The following KCNAB1 variants were observed in gnomAD, a reference collection of about 807,000 sequenced individuals.
The protein encoded by KCNAB1 is voltage-gated potassium channel subunit beta-1.
A neutral mutation model predicts 64.6 loss-of-function variants in KCNAB1; 35 were observed. The ratio of observed to expected loss-of-function variants is 0.54; its 90% confidence interval spans 0.41 to 0.72. KCNAB1 has a LOEUF of 0.72. KCNAB1 is among the 30% of genes least tolerant of loss of function. KCNAB1 has a pLI of 0.00. For synonymous variants in KCNAB1, 177 were observed against 183.8 expected, an observed-to-expected ratio of 0.96 and a Z score of 0.30; for missense variants, 401 against 512.9, an observed-to-expected ratio of 0.78 and a Z score of 2.11.
chr3:156,374,928 A>C (rs1430689245), intron 1 of KCNAB1, among the ~76,000 whole-genome samples: 1 of 136,304 alleles, frequency 7.3e-6, no homozygotes, highest in Non-Finnish European at 1.5e-5. Context: ...TATAGAAAAC[A>C]CAAAGAAATT....
chr3:156,347,060 A>G (rs1224961601), intron 1 of KCNAB1, among the ~76,000 whole-genome samples: 1 of 152,200 alleles, frequency 6.6e-6, no homozygotes, highest in Non-Finnish European at 1.5e-5. Flanking sequence ...ATATGTGAAG[A>G]AAAAAACCCT....
intron 1 of KCNAB1, chr3:156,176,864 TG>T: frequency 1.8e-6 from 2 of 1,129,272 alleles, no homozygotes; most frequent in Non-Finnish European, 2.7e-6. Flanking sequence ...GCCGCTTGAC[TG>T]GGACCAGCGG....
chr3:156,181,124 G>T (rs779807950), intron 1 of KCNAB1, among the ~76,000 whole-genome samples: 2 of 152,110 alleles, frequency 1.3e-5, no homozygotes, highest in Non-Finnish European at 2.9e-5. Context: ...ACACCCTAAT[G>T]ATCTCATTTT....
At chr3:156,483,510 G>C (rs1714981724) in intron 8 of KCNAB1, among the ~76,000 whole-genome samples, 1 of 151,952 alleles carries the variant, frequency 6.6e-6, no homozygotes, top group Non-Finnish European at 1.5e-5. Flanking sequence ...CTACTTTGTT[G>C]ATGGCCACTA....
intron 1 of KCNAB1, among the ~76,000 whole-genome samples, chr3:156,377,404 G>A (rs1711759495): frequency 6.6e-6 from 1 of 152,138 alleles, no homozygotes. Context: ...GAAGACCAGG[G>A]TGCTGCTCGT....
intron 12 of KCNAB1, among the ~76,000 whole-genome samples, chr3:156,524,500 C>G (rs1238523359): frequency 1.3e-5 from 2 of 152,132 alleles, no homozygotes; most frequent in Admixed American, 6.5e-5. Context: ...GTAATCCCAG[C>G]ACTTTGGGAG....
chr3:156,384,939 T>C (rs1712470592), intron 1 of KCNAB1, among the ~76,000 whole-genome samples: 1 of 152,104 alleles, frequency 6.6e-6, no homozygotes, highest in Admixed American at 6.6e-5. Flanking sequence ...TTTTTCTACT[T>C]CAGTACCTTT....
chr3:156,130,156 A>G (rs1477951720), intron 1 of KCNAB1, among the ~76,000 whole-genome samples: 1 of 152,222 alleles, frequency 6.6e-6, no homozygotes, highest in Non-Finnish European at 1.5e-5. Flanking sequence ...ATTAGATCCA[A>G]AGTATATGTG....
intron 1 of KCNAB1, among the ~76,000 whole-genome samples, chr3:156,214,693 C>T (rs980149342): frequency 5.9e-5 from 9 of 152,134 alleles, no homozygotes; most frequent in South Asian, 2.1e-4. Context: ...GGAAACCACC[C>T]GACCGTATTC....
intron 1 of KCNAB1, among the ~76,000 whole-genome samples, chr3:156,401,288 T>C (rs1165610325): frequency 1.3e-5 from 2 of 152,264 alleles, no homozygotes; most frequent in African/African-American, 2.4e-5. Flanking sequence ...CATACGTGTA[T>C]GTGCAAACTT....
At chr3:156,429,715 C>T (rs1003535038) in intron 2 of KCNAB1, among the ~76,000 whole-genome samples, 3 of 152,158 alleles carry the variant, frequency 2.0e-5, no homozygotes, top group African/African-American at 7.2e-5. Context: ...CCGATATAAA[C>T]TAGCTAGCTC....
Position 156,499,038 on chromosome 3 carries a change from C to T in KCNAB1, c.659-15326C>T, listed in dbSNP as rs573070692. On this transcript the variant is annotated intron_variant, in intron 8 of 13. Coordinates refer to ENST00000490337, the MANE Select transcript of KCNAB1 (RefSeq NM_172160.3). ...TTTTTGGGATGCTCAAGGCATTTTG[C>T]TTGTTGACATTTTGGTGGACCAAAG... Among the ~76,000 whole-genome samples, 46 of 152,304 alleles carry T rather than the reference C, an allele frequency of 3.0e-4. 1 individual carries two copies. The South Asian group carries it at 6.4e-3, about 21-fold the overall frequency.
At chr3:156,202,072 C>T (rs561105809) in intron 1 of KCNAB1, among the ~76,000 whole-genome samples, 1 of 152,262 alleles carries the variant, frequency 6.6e-6, no homozygotes, top group African/African-American at 2.4e-5. Flanking sequence ...TTCTCTGGGG[C>T]TAAAGTCTCC....
intron 1 of KCNAB1, among the ~76,000 whole-genome samples, chr3:156,350,425 A>T (rs927938063): frequency 2.0e-5 from 3 of 151,888 alleles, no homozygotes; most frequent in Admixed American, 6.6e-5. Context: ...GAACGTGCCT[A>T]TAGTTCCATT....
intron 1 of KCNAB1, among the ~76,000 whole-genome samples, chr3:156,407,241 C>T (rs1269112237): frequency 1.3e-5 from 2 of 152,152 alleles, no homozygotes; most frequent in African/African-American, 4.8e-5. Context: ...CTTGTCCCTA[C>T]CTCAGGGTCA....
chr3:156,204,764 C>T (rs561115500), intron 1 of KCNAB1, among the ~76,000 whole-genome samples: 22 of 152,110 alleles, frequency 1.4e-4, no homozygotes, highest in African/African-American at 4.6e-4. Flanking sequence ...ACCCAGGAGC[C>T]GGAGGTTGCA....
chr3:156,463,391 C>A (rs1180282209), intron 5 of KCNAB1, among the ~76,000 whole-genome samples: 4 of 152,176 alleles, frequency 2.6e-5, no homozygotes, highest in Non-Finnish European at 5.9e-5. Flanking sequence ...CACCACTCAC[C>A]TTTACTTTGC....
In KCNAB1 at chr3:156,245,978, A is replaced by T. The variant is rs529754411; in HGVS notation, c.275+125092A>T. Among the ~76,000 whole-genome samples, 370 of 152,308 alleles carry T rather than the reference A, an allele frequency of 2.4e-3. 2 individuals are homozygous for T. The highest frequency in any genetic ancestry group is 8.2e-3 in the African/African-American group (341 of 41,568). ...GGTTATTTTAATCAATATTGGTAAA[A>T]AAAAAAAGACTAACAGCATTTAAAA... On this transcript the variant is annotated intron_variant, in intron 1 of 13. Transcript: ENST00000490337.
At chr3:156,295,517 T>C (rs995024389) in intron 1 of KCNAB1, among the ~76,000 whole-genome samples, 1 of 152,238 alleles carries the variant, frequency 6.6e-6, no homozygotes, top group African/African-American at 2.4e-5. Flanking sequence ...TTAAAGGCAC[T>C]ATTATATTCA....
Sources: allele counts gnomAD v4.1 joint callset (sites outside exome capture counted in the v4.1 genomes callset), GRCh38; gene constraint gnomAD v4.1.1; transcripts MANE v1.5; gene names NCBI Gene and HGNC (gene_info 2026-07-23, HGNC 2026-07-21).